EARS2: variants seen among roughly 807,000 people sequenced by gnomAD.
The protein encoded by EARS2 is glutamyl-tRNA synthetase 2, mitochondrial.
A neutral mutation model predicts 54.1 loss-of-function variants in EARS2; 50 were observed. The ratio of observed to expected loss-of-function variants is 0.92; its 90% confidence interval spans 0.74 to 1.17. EARS2 has a LOEUF of 1.17. EARS2 is among the 50% of genes most tolerant of loss of function. The pLI, the probability that EARS2 is intolerant of heterozygous loss-of-function variation, is 0.00. For synonymous variants in EARS2, 298 were observed against 281.0 expected, an observed-to-expected ratio of 1.06 and a Z score of -0.61; for missense variants, 673 against 675.0, an observed-to-expected ratio of 1.00 and a Z score of 0.03.
chr16:23,550,180 G>A (rs1231942960), intron 2 of EARS2, among the ~76,000 whole-genome samples: 1 of 152,010 alleles, frequency 6.6e-6, no homozygotes, highest in Middle Eastern at 3.2e-3. Context: ...GGGCAACATA[G>A]CAAGACCCTA....
intron 3 of EARS2, among the ~76,000 whole-genome samples, chr16:23,537,760 G>C (rs1355005233): frequency 6.6e-6 from 1 of 151,338 alleles, no homozygotes; most frequent in Non-Finnish European, 1.5e-5. Context: ...TTTTAGTAGA[G>C]ACAGGGTTTC....
At chr16:23,556,103 G>C (rs1965776577) in intron 1 of EARS2, among the ~76,000 whole-genome samples, 2 of 152,200 alleles carry the variant, frequency 1.3e-5, no homozygotes, top group Non-Finnish European at 2.9e-5. Flanking sequence ...TATACTGCCT[G>C]CCAGAAAGAT....
Position 23,533,629 on chromosome 16 carries a change from T to C in EARS2, c.959-864A>G, listed in dbSNP as rs183309437. 4.6e-5 allele frequency among the ~76,000 whole-genome samples: 7 copies of C among 152,344 alleles called. No homozygotes were observed. In the East Asian group the frequency reaches 1.2e-3, roughly 25 times the overall value. ...AACAATCAGGCTAAACCCATCTCCA[T>C]TACTCTCAAGACACGAGCTGCAGAA... On this transcript the variant is annotated intron_variant, in intron 4 of 8. Coordinates refer to ENST00000449606, the MANE Select transcript of EARS2 (RefSeq NM_001083614.2).
chr16:23,544,692 C>A lies in EARS2; in HGVS notation c.307G>T (p.Asp103Tyr). Residue 103 changes from aspartate (D) to tyrosine (Y), a missense_variant, in exon 3 of 9, where the codon GAT (aspartate) becomes TAT (tyrosine). Around this residue, in one of 3 missense-constraint regions of EARS2, gnomAD observed 316 missense variants for 275.2 expected, o/e 1.15. Transcript: ENST00000449606. Reference protein sequence around the residue: ...DMLEWAGIPPDESPRRGGPAG... With the variant: ...DMLEWAGIPPYESPRRGGPAG... ...GGACCGCCCCGGCGGGGGCTCTCAT[C>A]AGGCGGGATGCCTGGAACACAGGGA... 1 of 1,602,442 alleles carries A rather than the reference C, an allele frequency of 6.2e-7. No individual in the cohort carries two copies. Among genetic ancestry groups the A allele is most frequent in the Non-Finnish European group, 8.5e-7 (1 of 1,175,714 alleles).
At chr16:23,555,244 C>T (rs146468824) in intron 1 of EARS2, among the ~76,000 whole-genome samples, 1,675 of 152,240 alleles carry the variant, frequency 0.011, 29 homozygotes, top group African/African-American at 0.038. Context: ...CCAGCACTTT[C>T]GGAGGCCAAG....
intron 4 of EARS2, among the ~76,000 whole-genome samples, chr16:23,533,936 ATCC>A (rs1029762896): frequency 6.6e-6 from 1 of 152,068 alleles, no homozygotes; most frequent in Non-Finnish European, 1.5e-5. Context: ...GGTGCCTGTA[ATCC>A]CAGGTACTCG....
chr16:23,554,137 G>A (rs1430315986), intron 1 of EARS2, among the ~76,000 whole-genome samples: 1 of 151,826 alleles, frequency 6.6e-6, no homozygotes. Flanking sequence ...AGCCTCCCAA[G>A]TAGCTGGAAC....
At chr16:23,528,369 G>A (rs1965265492) in intron 7 of EARS2, among the ~76,000 whole-genome samples, 1 of 152,220 alleles carries the variant, frequency 6.6e-6, no homozygotes, top group Non-Finnish European at 1.5e-5. Flanking sequence ...GGCTGCCGAG[G>A]AGCTGATGAA....
chr16:23,552,432 C>A, intron 1 of EARS2, 128 bp from the exon 2 acceptor site: 1 of 1,051,444 alleles, frequency 9.5e-7, no homozygotes, highest in South Asian at 1.6e-5. Flanking sequence ...CATTGGCTCA[C>A]GCCTGTAATC....
chr16:23,531,055 A>ATTTTT (rs58745088), intron 5 of EARS2, among the ~76,000 whole-genome samples: 3 of 133,676 alleles, frequency 2.2e-5, no homozygotes, highest in Non-Finnish European at 4.9e-5. Context: ...CGTCGGGCTG[A>ATTTTT]TTTTTTTTTT....
At chr16:23,548,850 T>C (rs1185724548) in intron 2 of EARS2, among the ~76,000 whole-genome samples, 1 of 152,178 alleles carries the variant, frequency 6.6e-6, no homozygotes, top group Non-Finnish European at 1.5e-5. Flanking sequence ...ATGGTCCTTT[T>C]TCCAAGACCA....
intron 1 of EARS2, among the ~76,000 whole-genome samples, chr16:23,553,772 TG>T (rs946836549): frequency 6.6e-6 from 1 of 151,822 alleles, no homozygotes; most frequent in Non-Finnish European, 1.5e-5. Flanking sequence ...GGTGGGCGCC[TG>T]TAATCCCAGC....
intron 2 of EARS2, chr16:23,546,445 A>C (rs1477641586): frequency 2.2e-5 from 10 of 455,446 alleles, no homozygotes; most frequent in South Asian, 1.5e-5. Flanking sequence ...CTGTCAAAGA[A>C]GGAAACAAGT....
chr16:23,522,620 G>C lies in EARS2; in HGVS notation c.*1751C>G, dbSNP rs955366156. The C allele has an allele frequency of 1.3e-5, 2 of 152,106 alleles. No individual in the cohort carries two copies. The highest frequency in any genetic ancestry group is 2.9e-5 in the Non-Finnish European group (2 of 68,050). 9.4% of individuals were successfully genotyped at this position (152,106 alleles called of 1,614,324 possible). On this transcript the variant is annotated 3_prime_UTR_variant, in exon 9 of 9. Coordinates refer to ENST00000449606, the MANE Select transcript of EARS2 (RefSeq NM_001083614.2). ...GGTATATTTCTTTAAGCAAAGACTA[G>C]GACTCTATGGGGCTCAACAAACTCT...
intron 3 of EARS2, among the ~76,000 whole-genome samples, chr16:23,542,805 A>T (rs1965537818): frequency 6.6e-6 from 1 of 151,964 alleles, no homozygotes; most frequent in Non-Finnish European, 1.5e-5. Context: ...AATAATGCCA[A>T]ATATGCCTAA....
rs905704141 is a variant in EARS2 at position 23,544,769 on chromosome 16, C to T, written c.296-66G>A. 7.5e-6 allele frequency: 10 copies of T among 1,339,714 alleles called. No individual in the cohort carries two copies. In the African/African-American group the frequency reaches 1.3e-4, roughly 18 times the overall value. The allele number at this position is 1,339,714 out of a possible 1,614,324, so 83.0% of individuals were successfully genotyped here. ...GCTCGTTCTCAGGCATTGCTCTAAG[C>T]ACTTTATGCACATATTAAAGCTTTA... On this transcript the variant is annotated intron_variant, in intron 2 of 8. Coordinates refer to ENST00000449606, the MANE Select transcript of EARS2 (RefSeq NM_001083614.2).
rs1273972094 is a variant in EARS2 at position 23,522,524 on chromosome 16, A to G, written c.*1847T>C. 2 of 152,010 alleles carry G rather than the reference A, an allele frequency of 1.3e-5. No individual in the cohort carries two copies. The highest frequency in any genetic ancestry group is 2.4e-5 in the African/African-American group (1 of 41,336). 9.4% of individuals were successfully genotyped at this position (152,010 alleles called of 1,614,324 possible). ...GGCTCTCTTATGGCCTCCAATAAACATAAGTGAGGCAGAGTTGGTTTCTAT... is the reference window on the plus strand; with the variant it reads ...GGCTCTCTTATGGCCTCCAATAAACGTAAGTGAGGCAGAGTTGGTTTCTAT... On this transcript the variant is annotated 3_prime_UTR_variant, in exon 9 of 9. Coordinates refer to ENST00000449606, the MANE Select transcript of EARS2 (RefSeq NM_001083614.2).
intron 7 of EARS2, among the ~76,000 whole-genome samples, chr16:23,527,178 C>G (rs941382385): frequency 3.3e-5 from 5 of 152,136 alleles, no homozygotes; most frequent in Non-Finnish European, 5.9e-5. Context: ...GTTGCCCAGG[C>G]TGGTCTCAAA....
intron 2 of EARS2, among the ~76,000 whole-genome samples, chr16:23,547,815 G>T (rs1019112498): frequency 3.3e-5 from 5 of 152,022 alleles, no homozygotes; most frequent in African/African-American, 1.2e-4. Flanking sequence ...ATTTTTAAAA[G>T]GCTGGGCATG....
Sources: allele counts gnomAD v4.1 joint callset (sites outside exome capture counted in the v4.1 genomes callset), GRCh38; gene constraint gnomAD v4.1.1; regional missense constraint gnomAD v4.1.1; transcripts MANE v1.5; gene names NCBI Gene and HGNC (gene_info 2026-07-23, HGNC 2026-07-21).